Variants in RNF216 observed in about 807,000 individuals in gnomAD.
RNF216 encodes E3 ubiquitin-protein ligase RNF216.
A neutral mutation model predicts 110.8 loss-of-function variants in RNF216; 72 were observed. That is an observed-to-expected ratio of 0.65 (90% CI 0.54 to 0.79). The LOEUF is 0.79. Ranked by LOEUF, RNF216 falls within the 30% of genes least tolerant of loss-of-function variation. RNF216 has a pLI of 0.00. For missense variants in RNF216, 1,342 were observed against 1,141.2 expected (o/e 1.18, Z -2.54); for synonymous variants, 495 against 407.5 (o/e 1.21, Z -2.59).
chr7:5,772,031 C>T (rs906377766), intron 1 of RNF216, among the ~76,000 whole-genome samples: 2 of 152,000 alleles, frequency 1.3e-5, no homozygotes, highest in East Asian at 1.9e-4. Context: ...CTCAGGAGTT[C>T]GAGACCAGCC....
At chr7:5,769,841 A>T (rs1391197841) in intron 1 of RNF216, among the ~76,000 whole-genome samples, 1 of 151,420 alleles carries the variant, frequency 6.6e-6, no homozygotes, top group East Asian at 1.9e-4. Flanking sequence ...GTTTGAGACC[A>T]GCCTGGCCAA....
chr7:5,760,525 A>C (rs1340595725), intron 2 of RNF216: 2 of 336,026 alleles, frequency 6.0e-6, no homozygotes, highest in South Asian at 2.2e-5. Flanking sequence ...AAAAAAAGAA[A>C]AAAAAAAAAC....
At chr7:5,645,550 C>T (rs1787999280) in intron 14 of RNF216, among the ~76,000 whole-genome samples, 1 of 151,758 alleles carries the variant, frequency 6.6e-6, no homozygotes, top group South Asian at 2.1e-4. Context: ...TTCATCTCAG[C>T]TATTGTAATT....
At chr7:5,771,583 G>C (rs1796496628) in intron 1 of RNF216, among the ~76,000 whole-genome samples, 1 of 152,142 alleles carries the variant, frequency 6.6e-6, no homozygotes, top group African/African-American at 2.4e-5. Flanking sequence ...GATCACTTGA[G>C]CTCAGGAGTC....
chr7:5,675,228 G>C (rs1273624396), intron 13 of RNF216, among the ~76,000 whole-genome samples: 1 of 152,196 alleles, frequency 6.6e-6, no homozygotes, highest in African/African-American at 2.4e-5. Context: ...GCACTTCACA[G>C]ACATCACCTC....
At chr7:5,693,925 CT>C (rs1330921671) in intron 13 of RNF216, among the ~76,000 whole-genome samples, 1 of 152,136 alleles carries the variant, frequency 6.6e-6, no homozygotes, top group Non-Finnish European at 1.5e-5. Flanking sequence ...AAATTAATAA[CT>C]GTTCTATAAG....
chr7:5,641,398 T>C, intron 14 of RNF216, 22 bp from the exon 15 acceptor site: 1 of 1,599,824 alleles, frequency 6.3e-7, no homozygotes, highest in East Asian at 2.2e-5. Flanking sequence ...AAACATAATT[T>C]GGAGCTGGGA....
At chr7:5,711,678 G>T in intron 13 of RNF216, 83 bp downstream of exon 13, 1 of 1,067,696 alleles carries the variant, frequency 9.4e-7, no homozygotes, top group Non-Finnish European at 1.4e-6. Flanking sequence ...CAGCAGTCAG[G>T]TAAACAGCAG....
intron 1 of RNF216, among the ~76,000 whole-genome samples, chr7:5,774,381 G>C (rs975126970): frequency 3.9e-5 from 6 of 152,196 alleles, no homozygotes; most frequent in African/African-American, 1.4e-4. Flanking sequence ...AATGCTGCAA[G>C]TAAGCTATGA....
At chr7:5,669,170 T>C (rs116052988) in intron 13 of RNF216, among the ~76,000 whole-genome samples, 112 of 152,284 alleles carry the variant, frequency 7.4e-4, no homozygotes, top group African/African-American at 2.6e-3. Flanking sequence ...CTGAGAGGAA[T>C]ATGGGCGGTC....
chr7:5,706,323 C>T (rs1364615663), intron 13 of RNF216, among the ~76,000 whole-genome samples: 1 of 152,106 alleles, frequency 6.6e-6, no homozygotes, highest in African/African-American at 2.4e-5. Context: ...TGTTGTACAG[C>T]TGATCTCTAA....
At chr7:5,700,166 G>A (rs1197428190) in intron 13 of RNF216, among the ~76,000 whole-genome samples, 1 of 152,064 alleles carries the variant, frequency 6.6e-6, no homozygotes, top group Non-Finnish European at 1.5e-5. Context: ...CTTCTACCTG[G>A]AAGGCTGGAA....
intron 1 of RNF216, among the ~76,000 whole-genome samples, chr7:5,772,361 G>A (rs1482630402): frequency 6.6e-6 from 1 of 152,116 alleles, no homozygotes; most frequent in African/African-American, 2.4e-5. Context: ...ATGGACAACA[G>A]TTACAAAAAA....
At chr7:5,748,611 T>TAC (rs10588945) in intron 3 of RNF216, among the ~76,000 whole-genome samples, 4,686 of 143,046 alleles carry the variant, frequency 0.033, 91 homozygotes, top group East Asian at 0.063. Context: ...TTTATATACA[T>TAC]ACACACACAC....
rs1793954075 is a variant in RNF216, at chr7:5,729,420, C to A, written c.1389+12G>T. On this transcript the variant is annotated intron_variant, in intron 7 of 16. Transcript: ENST00000389902. ...AGAGGTGTGACCCCAACAGGAAGAC[C>A]AAGTAGAGTACCTTTCGGGTGATTG... 1 of 1,613,496 alleles carries A rather than the reference C, an allele frequency of 6.2e-7. No individual in the cohort carries two copies. Among genetic ancestry groups the A allele is most frequent in the African/African-American group, 1.3e-5 (1 of 74,864 alleles).
intron 1 of RNF216, among the ~76,000 whole-genome samples, chr7:5,763,516 G>A (rs1016522446): frequency 6.6e-6 from 1 of 152,052 alleles, no homozygotes; most frequent in Non-Finnish European, 1.5e-5. Flanking sequence ...TGTAATCCCA[G>A]GTACTTGGAA....
intron 7 of RNF216, among the ~76,000 whole-genome samples, chr7:5,726,261 G>A (rs1316167431): frequency 2.0e-5 from 3 of 152,158 alleles, no homozygotes; most frequent in African/African-American, 7.2e-5. Flanking sequence ...GGGTAACACA[G>A]GAGACCCTGT....
intron 4 of RNF216, among the ~76,000 whole-genome samples, chr7:5,740,525 G>A (rs985104559): frequency 2.0e-5 from 3 of 152,130 alleles, no homozygotes; most frequent in Admixed American, 6.5e-5. Context: ...GCCTCATGTG[G>A]CTACTAAGGT....
At chr7:5,754,223 A>G (rs948357842) in intron 2 of RNF216, among the ~76,000 whole-genome samples, 13 of 151,608 alleles carry the variant, frequency 8.6e-5, no homozygotes, top group Non-Finnish European at 1.9e-4. Context: ...TGGTGCGATC[A>G]TAGCTCACTG....
Sources: gnomAD v4.1 joint callset for allele counts (sites outside exome capture counted in the v4.1 genomes callset) on GRCh38, gnomAD v4.1.1 for gene constraint, MANE v1.5 for transcripts, NCBI Gene and HGNC (gene_info 2026-07-23, HGNC 2026-07-21) for gene names.